The following CPEB3 variants were observed in gnomAD, a reference collection of about 807,000 sequenced individuals.
CPEB3 encodes the protein cytoplasmic polyadenylation element-binding protein 3.
A neutral mutation model predicts 67.2 loss-of-function variants in CPEB3; 20 were observed. The observed-to-expected ratio is 0.30, with a 90% CI of 0.21 to 0.43. CPEB3 has a LOEUF of 0.43. CPEB3 is among the 20% of genes least tolerant of loss of function. The pLI, the probability that CPEB3 is intolerant of heterozygous loss-of-function variation, is 1.00. For synonymous variants in CPEB3, 376 were observed against 393.1 expected, an observed-to-expected ratio of 0.96 and a Z score of 0.51; for missense variants, 746 against 968.6, an observed-to-expected ratio of 0.77 and a Z score of 3.05.
intron 6 of CPEB3, among the ~76,000 whole-genome samples, chr10:92,135,961 T>G (rs1256211652): frequency 1.5e-5 from 2 of 135,988 alleles, no homozygotes; most frequent in Non-Finnish European, 3.1e-5. Context: ...AATTGAACAA[T>G]GAGAACACTT....
At chr10:92,226,793 G>A (rs986606083) in intron 2 of CPEB3, among the ~76,000 whole-genome samples, 34 of 151,898 alleles carry the variant, frequency 2.2e-4, no homozygotes, top group African/African-American at 7.5e-4. Context: ...GGCAGAGTGG[G>A]GGCTCAGGGA....
chr10:92,086,586 C>T (rs1359360840), intron 8 of CPEB3, among the ~76,000 whole-genome samples: 1 of 152,212 alleles, frequency 6.6e-6, no homozygotes, highest in Admixed American at 6.5e-5. Context: ...CTACCACTTA[C>T]AATCTCACAG....
intron 1 of CPEB3, among the ~76,000 whole-genome samples, chr10:92,247,835 T>G (rs965118447): frequency 1.3e-5 from 2 of 152,060 alleles, no homozygotes; most frequent in Non-Finnish European, 2.9e-5. Flanking sequence ...TTTCTGAAAT[T>G]TTATCTTGAG....
intron 1 of CPEB3, among the ~76,000 whole-genome samples, chr10:92,252,052 T>A (rs185294614): frequency 2.1e-3 from 313 of 151,880 alleles, no homozygotes; most frequent in Non-Finnish European, 2.9e-3. Flanking sequence ...CTATATATAT[T>A]TTTTTTCAAC....
At chr10:92,094,328 C>A (rs11186822) in intron 7 of CPEB3, among the ~76,000 whole-genome samples, 39,429 of 151,826 alleles carry the variant, frequency 0.26, 6,193 homozygotes, top group Admixed American at 0.36. Flanking sequence ...TCTGGCTGGG[C>A]GCTGTGGCTC....
At chr10:92,211,870 T>C (rs1328084414) in intron 2 of CPEB3, among the ~76,000 whole-genome samples, 1 of 150,028 alleles carries the variant, frequency 6.7e-6, no homozygotes, top group Non-Finnish European at 1.5e-5. Context: ...AGATCATATA[T>C]CTTTTTCTTT....
At chr10:92,142,229 G>A (rs1156627359) in intron 6 of CPEB3, among the ~76,000 whole-genome samples, 1 of 152,080 alleles carries the variant, frequency 6.6e-6, no homozygotes, top group Non-Finnish European at 1.5e-5. Context: ...GGAAGGACAA[G>A]TATTTTCACT....
chr10:92,267,739 T>C (rs1310856350), intron 1 of CPEB3, among the ~76,000 whole-genome samples: 1 of 152,192 alleles, frequency 6.6e-6, no homozygotes, highest in African/African-American at 2.4e-5. Flanking sequence ...ATGAAAGCCA[T>C]GTTTATTATT....
At chr10:92,234,584 T>C (rs532730312) in intron 2 of CPEB3, among the ~76,000 whole-genome samples, 51 of 152,320 alleles carry the variant, frequency 3.3e-4, no homozygotes, top group African/African-American at 1.2e-3. Context: ...CTGGCTGTGA[T>C]CTTAAGCAAA....
At chr10:92,158,886 T>G (rs767297575) in intron 4 of CPEB3, among the ~76,000 whole-genome samples, 12 of 152,206 alleles carry the variant, frequency 7.9e-5, no homozygotes, top group Admixed American at 7.2e-4. Context: ...TCAAGCGGAA[T>G]GATTTTCAGA....
chr10:92,190,646 C>A (rs1848926038), intron 3 of CPEB3, among the ~76,000 whole-genome samples: 1 of 112,288 alleles, frequency 8.9e-6, no homozygotes. Flanking sequence ...GCCTGGGCAA[C>A]AAGAGCGAAA....
chr10:92,063,704 CA>C (rs1267799484), intron 9 of CPEB3, among the ~76,000 whole-genome samples: 2 of 151,206 alleles, frequency 1.3e-5, no homozygotes, highest in Non-Finnish European at 2.9e-5. Context: ...GCAGAGGTTG[CA>C]GTGAGCCAAG....
intron 5 of CPEB3, among the ~76,000 whole-genome samples, 153 bp from the exon 6 acceptor site, chr10:92,143,271 T>C (rs1846525431): frequency 6.6e-6 from 1 of 152,224 alleles, no homozygotes. Context: ...CTAAGTGAAA[T>C]ACCATTGCTT....
chr10:92,156,564 A>T (rs539561712), intron 4 of CPEB3, among the ~76,000 whole-genome samples: 1 of 152,194 alleles, frequency 6.6e-6, no homozygotes, highest in African/African-American at 2.4e-5. Flanking sequence ...CCTGCTGTCT[A>T]TTCTCCAGAT....
At chr10:92,111,559 C>T (rs777750082) in intron 6 of CPEB3, among the ~76,000 whole-genome samples, 1 of 152,182 alleles carries the variant, frequency 6.6e-6, no homozygotes, top group Non-Finnish European at 1.5e-5. Flanking sequence ...TGGCCACATG[C>T]CACAGGGATA....
At chr10:92,229,338 C>T (rs1268896225) in intron 2 of CPEB3, among the ~76,000 whole-genome samples, 19 of 152,146 alleles carry the variant, frequency 1.2e-4, no homozygotes, top group Admixed American at 9.2e-4. Flanking sequence ...CCAGCCTTCT[C>T]CTTAATATTT....
At position 92,110,462 on chromosome 10, in the gene CPEB3, G is replaced by T. The variant is rs539115973; in HGVS notation, c.1572+614C>A. Among the ~76,000 whole-genome samples the T allele has an allele frequency of 2.0e-5, 3 of 152,170 alleles. No individual in the cohort carries two copies. The South Asian group carries it at 6.2e-4, about 32-fold the overall frequency. On this transcript the variant is annotated intron_variant, in intron 7 of 9. Transcript: ENST00000265997. ...ACTGATAGCTCTTCTGCCAGAGGAAGGACACAATCTTCCTCCCTTATCCAG... is the reference window on the plus strand; with the variant it reads ...ACTGATAGCTCTTCTGCCAGAGGAATGACACAATCTTCCTCCCTTATCCAG...
In CPEB3 at chr10:92,181,017, G is replaced by A. The variant is rs137908945; in HGVS notation, c.1168C>T (p.Arg390Cys). ...GGATGATGGAAATTTATCCCCATGC[G>A]TCCTAAAAAATAAAATAATTTTAAG... Reference protein sequence around the residue: ...DIMWRNHFAGRMGINFHHPGT... With the variant: ...DIMWRNHFAGCMGINFHHPGT... The change falls in exon 4 of 10, where the codon CGC becomes TGC. Residue 390 changes from arginine (R) to cysteine (C), a missense_variant and splice_region_variant. Physicochemically the swap from Arg to Cys is radical, Grantham distance 180 (BLOSUM62 -3). This residue lies in a region of CPEB3 where 643 missense variants were observed against 717.5 expected (regional missense o/e 0.90). Transcript: ENST00000265997. The A allele has an allele frequency of 1.0e-5, 15 of 1,490,124 alleles. No individual in the cohort carries two copies. Among genetic ancestry groups the A allele is most frequent in the East Asian group, 4.5e-5 (2 of 44,138 alleles). 92.3% of individuals were successfully genotyped at this position (1,490,124 alleles called of 1,614,324 possible). A position where few individuals can be genotyped will look rare whatever the true frequency, so the allele number is the denominator to read the frequency against.
chr10:92,185,008 T>C (rs1215173656), intron 3 of CPEB3, among the ~76,000 whole-genome samples: 1 of 152,162 alleles, frequency 6.6e-6, no homozygotes, highest in Admixed American at 6.5e-5. Flanking sequence ...TGGAGGAAAA[T>C]AAAATATATA....
Sources: allele counts gnomAD v4.1 joint callset (sites outside exome capture counted in the v4.1 genomes callset), GRCh38; gene constraint gnomAD v4.1.1; regional missense constraint gnomAD v4.1.1; transcripts MANE v1.5; gene names NCBI Gene and HGNC (gene_info 2026-07-23, HGNC 2026-07-21).